The following PML variants were observed in gnomAD, a reference collection of about 807,000 sequenced individuals.
The protein encoded by PML is protein PML.
Under a neutral mutation model 65.2 loss-of-function variants are expected in PML, and 28 were observed. That is an observed-to-expected ratio of 0.43 (90% CI 0.32 to 0.59). The LOEUF (loss-of-function observed/expected upper bound fraction) is 0.59, where lower values mean the gene tolerates loss of function less well. PML is among the 20% of genes least tolerant of loss of function. PML has a pLI of 0.08. For synonymous variants in PML, 500 were observed against 508.8 expected (o/e 0.98, Z 0.23); for missense variants, 1,021 against 1,203.4 (o/e 0.85, Z 2.24).
At chr15:74,021,440 G>GCC (rs1283093164) in intron 2 of PML, among the ~76,000 whole-genome samples, 1 of 152,022 alleles carries the variant, frequency 6.6e-6, no homozygotes, top group Non-Finnish European at 1.5e-5. Context: ...TACAAAATTA[G>GCC]CCGGGGTGGT....
In PML at chr15:74,044,642, G is replaced by A. The variant is rs151129618; in HGVS notation, c.2283G>A (p.Pro761=). ...TGTGCCGCCTCCTCGAGGTCTCCCCGGGCCCCCAGCTGGCCCAGCATGTCT... is the reference window on the plus strand; with the variant it reads ...TGTGCCGCCTCCTCGAGGTCTCCCCAGGCCCCCAGCTGGCCCAGCATGTCT... ...RDLCRLLEVS[P]GPQLAQHVYP... is the part of the protein sequence containing the mutation. The change falls in exon 9 of 9, where the codon CCG becomes CCA. Residue 761 remains proline, a synonymous_variant. Transcript: ENST00000268058. 519 of 1,605,674 alleles carry A rather than the reference G, an allele frequency of 3.2e-4. 2 individuals carry two copies. The African/African-American group carries it at 6.2e-3, about 19-fold the overall frequency.
At chr15:74,044,123 C>G in intron 8 of PML, 98 bp from the exon 9 acceptor site, 1 of 1,192,208 alleles carries the variant, frequency 8.4e-7, no homozygotes, top group South Asian at 1.2e-5. Flanking sequence ...AAGGTGAGGT[C>G]TCTAGATGGT....
chr15:74,023,283 G>T lies in PML; in HGVS notation c.1058G>T (p.Arg353Leu). The change falls in exon 3 of 9, where the codon CGC (arginine) becomes CTC (leucine). Residue 353 changes from arginine to leucine, a missense_variant. By Grantham distance (102) the Arg-to-Leu change is moderately radical. Transcript: ENST00000268058. ...QEVLDMHGFL[R>L]QALCRLRQEE... Reference sequence around the variant, plus strand: ...GTGCTGGACATGCACGGTTTCCTGCGCCAGGCGCTCTGCCGCCTGCGCCAG... The same window carrying T: ...GTGCTGGACATGCACGGTTTCCTGCTCCAGGCGCTCTGCCGCCTGCGCCAG... The T allele has an allele frequency of 1.2e-6, 2 of 1,610,134 alleles. No individual in the cohort carries two copies. The highest frequency in any genetic ancestry group is 1.7e-6 in the Non-Finnish European group (2 of 1,179,580).
intron 2 of PML, among the ~76,000 whole-genome samples, chr15:74,021,587 A>G (rs2070838370): frequency 2.0e-5 from 3 of 149,070 alleles, no homozygotes; most frequent in Non-Finnish European, 4.5e-5. Flanking sequence ...CTCCATCTCA[A>G]AAAAAAAATA....
Position 74,035,140 on chromosome 15 carries a change from C to T in PML, c.1710+610C>T, listed in dbSNP as rs755150965. ...ACTGGGTGGCCCCTGAGGTCTCTTC[C>T]AGCCCTCAGTCTGAGGTTCTGTATT... On this transcript the variant is annotated intron_variant, in intron 7 of 8. Transcript: ENST00000268058. The surrounding 1 kb of genome is among the most constrained non-coding windows in gnomAD (Gnocchi z 4.1). The T allele has an allele frequency of 2.6e-6, 3 of 1,148,850 alleles. No individual in the cohort carries two copies. Among genetic ancestry groups the T allele is most frequent in the Admixed American group, 3.4e-5 (2 of 59,414 alleles). The allele number at this position is 1,148,850 out of a possible 1,614,324, so 71.2% of individuals were successfully genotyped here.
At chr15:74,013,835 C>G (rs1204567270) in intron 2 of PML, among the ~76,000 whole-genome samples, 1 of 152,028 alleles carries the variant, frequency 6.6e-6, no homozygotes, top group Non-Finnish European at 1.5e-5. Context: ...ATGTGATAAA[C>G]TCTGTCTTAT....
chr15:74,032,368 C>T (rs1360595023), intron 4 of PML: 11 of 610,208 alleles, frequency 1.8e-5, no homozygotes, highest in Admixed American at 5.8e-5. Flanking sequence ...CCTGTCTCTA[C>T]AAAAAAATTT....
At chr15:74,039,922 A>G (rs1002222480) in intron 7 of PML, among the ~76,000 whole-genome samples, 1 of 152,170 alleles carries the variant, frequency 6.6e-6, no homozygotes, top group Non-Finnish European at 1.5e-5. Flanking sequence ...ATGCCAATCC[A>G]GCCACTTCCT....
intron 7 of PML, among the ~76,000 whole-genome samples, chr15:74,041,722 A>C (rs1267739351): frequency 6.6e-6 from 1 of 152,240 alleles, no homozygotes; most frequent in Non-Finnish European, 1.5e-5. Flanking sequence ...TCTCAGTTGA[A>C]GCTTGGTTGG....
chr15:74,032,672 T>A lies in PML; in HGVS notation c.1355T>A (p.Val452Glu), dbSNP rs1256891305. The A allele has an allele frequency of 6.2e-7, 1 of 1,614,094 alleles. No homozygotes were observed. The highest frequency in any genetic ancestry group is 1.1e-5 in the South Asian group (1 of 91,088). The change falls in exon 5 of 9, where the codon GTG (valine) becomes GAG (glutamate). Residue 452 changes from valine (V) to glutamate (E), a missense_variant. Physicochemically the swap from Val to Glu is moderately radical, Grantham distance 121. Transcript: ENST00000268058. ...VVQSVPGAHP[V>E]PVYAFSIKGP... ...CAGTCAGTGCCCGGGGCACACCCCG[T>A]GCCAGTGTACGCCTTCTCCATCAAA...
At chr15:74,009,304 G>A (rs540642574) in intron 2 of PML, among the ~76,000 whole-genome samples, 28 of 152,322 alleles carry the variant, frequency 1.8e-4, no homozygotes, top group Admixed American at 1.5e-3. Context: ...GTGATTGAAG[G>A]ATTGGCACCT....
rs79732096 is a variant in PML at position 74,001,012 on chromosome 15, C to A, written c.602+2536C>A. Among the ~76,000 whole-genome samples, 1,095 of 152,292 alleles carry A rather than the reference C, an allele frequency of 7.2e-3. 11 individuals carry two copies. The highest frequency in any genetic ancestry group is 0.025 in the African/African-American group (1,020 of 41,564). On this transcript the variant is annotated intron_variant, in intron 2 of 8. Coordinates refer to ENST00000268058, the MANE Select transcript of PML (RefSeq NM_033238.3). ...TTTTGGGAACTTTTCCCATTTTTGCCATGGCATTAATCTGTTTTGGCTCTT... is the reference window on the plus strand; with the variant it reads ...TTTTGGGAACTTTTCCCATTTTTGCAATGGCATTAATCTGTTTTGGCTCTT...
chr15:74,034,769 C>T (rs1265590753), intron 7 of PML: 1 of 1,454,248 alleles, frequency 6.9e-7, no homozygotes, highest in Non-Finnish European at 9.0e-7. Context: ...TAGCATGTGT[C>T]CAGAGCCCTG....
chr15:74,044,587 C>T lies in PML; in HGVS notation c.2228C>T (p.Ala743Val). 1.2e-6 allele frequency: 2 copies of T among 1,609,656 alleles called. No individual in the cohort carries two copies. The highest frequency in any genetic ancestry group is 1.7e-6 in the Non-Finnish European group (2 of 1,180,006). Reference sequence around the variant, plus strand: ...GCGAGAAACATGAGCGAGCGCAGCGCCATGGCTGCCGTGCTGGCCATGCGT... The same window carrying T: ...GCGAGAAACATGAGCGAGCGCAGCGTCATGGCTGCCGTGCTGGCCATGCGT... ...YLARNMSERS[A>V]MAAVLAMRDL... Residue 743 changes from alanine (A) to valine (V), a missense_variant, in exon 9 of 9, where the codon GCC becomes GTC. Transcript: ENST00000268058.
At chr15:74,030,740 CCT>C (rs2071283894) in intron 4 of PML, among the ~76,000 whole-genome samples, 1 of 152,052 alleles carries the variant, frequency 6.6e-6, no homozygotes, top group Admixed American at 6.6e-5. Flanking sequence ...AATCACTTCA[CCT>C]CTCTCTGCCT....
intron 7 of PML, chr15:74,036,261 G>A: frequency 6.7e-7 from 1 of 1,489,700 alleles, no homozygotes; most frequent in Non-Finnish European, 8.9e-7. Context: ...CAATAGCACA[G>A]CCTTCCATGC....
chr15:74,019,571 C>T (rs941419117), intron 2 of PML, among the ~76,000 whole-genome samples: 1 of 152,126 alleles, frequency 6.6e-6, no homozygotes, highest in Non-Finnish European at 1.5e-5. Context: ...ATTTGCATGT[C>T]CTTTTAATAT....
intron 7 of PML, among the ~76,000 whole-genome samples, chr15:74,038,763 G>C (rs1170789513): frequency 6.6e-6 from 1 of 152,226 alleles, no homozygotes; most frequent in Non-Finnish European, 1.5e-5. Flanking sequence ...GAAAGTTGCA[G>C]AATACTGGTC....
intron 4 of PML, chr15:74,026,163 TTTTGTTTGTTTG>T (rs551196680): frequency 6.5e-6 from 1 of 153,392 alleles, no homozygotes; most frequent in Non-Finnish European, 1.4e-5. Flanking sequence ...TGACTCTGTT[TTTTGTTTGTTTG>T]TTTGTTTGTT....
Sources: allele counts gnomAD v4.1 joint callset (sites outside exome capture counted in the v4.1 genomes callset), GRCh38; gene constraint gnomAD v4.1.1; non-coding constraint Gnocchi (gnomAD v3.1); transcripts MANE v1.5; gene names NCBI Gene and HGNC (gene_info 2026-07-23, HGNC 2026-07-21).